The following RARB variants were observed in gnomAD, a reference collection of about 807,000 sequenced individuals.
RARB encodes the protein retinoic acid receptor beta.
In RARB, 17 loss-of-function variants were observed where a neutral mutation model predicts 51.9. The ratio of observed to expected loss-of-function variants is 0.33; its 90% CI spans 0.22 to 0.49. RARB has a LOEUF of 0.49. Among genes scored for constraint, RARB ranks in the 20% least tolerant of loss-of-function variants. The pLI is 0.99. For missense variants in RARB, 369 were observed against 550.8 expected (o/e 0.67, Z 3.30); for synonymous variants, 215 against 195.4 (o/e 1.10, Z -0.84).
intron 5 of RARB, among the ~76,000 whole-genome samples, chr3:25,325,844 AATAAAG>A (rs149252411): frequency 0.016 from 2,505 of 152,096 alleles, 65 homozygotes; most frequent in African/African-American, 0.053. Context: ...AGCTTTTGGA[AATAAAG>A]ATAAAATTAC....
intron 2 of RARB, among the ~76,000 whole-genome samples, chr3:24,874,770 T>C (rs989193627): frequency 2.0e-5 from 3 of 152,014 alleles, no homozygotes; most frequent in Non-Finnish European, 2.9e-5. Context: ...TTTATGTTGA[T>C]GGCAGTTACC....
intron 5 of RARB, among the ~76,000 whole-genome samples, chr3:25,419,979 G>A (rs1707813139): frequency 6.6e-6 from 1 of 152,102 alleles, no homozygotes; most frequent in African/African-American, 2.4e-5. Context: ...AGCTTTCGAA[G>A]CTCTTGGTTG....
intron 5 of RARB, among the ~76,000 whole-genome samples, chr3:25,326,240 A>G (rs1054431076): frequency 6.6e-6 from 1 of 152,224 alleles, no homozygotes; most frequent in Non-Finnish European, 1.5e-5. Context: ...TGGACCTGCT[A>G]AAGTCAAAAG....
chr3:24,989,216 T>C (rs1384419979), intron 2 of RARB, among the ~76,000 whole-genome samples: 1 of 152,244 alleles, frequency 6.6e-6, no homozygotes, highest in Non-Finnish European at 1.5e-5. Flanking sequence ...TCAAAATGTT[T>C]AGCAATCTAT....
At chr3:25,300,729 C>G (rs1200396508) in intron 5 of RARB, among the ~76,000 whole-genome samples, 2 of 152,162 alleles carry the variant, frequency 1.3e-5, no homozygotes, top group South Asian at 2.1e-4. Context: ...GTGGCTCACA[C>G]CTGTAATCTC....
chr3:25,048,300 A>G (rs1021559163), intron 2 of RARB, among the ~76,000 whole-genome samples: 2 of 152,198 alleles, frequency 1.3e-5, no homozygotes, highest in African/African-American at 4.8e-5. Context: ...TAAGTTACCA[A>G]TCTGGATTTC....
chr3:25,464,375 G>A (rs1301135625), intron 2 of RARB, among the ~76,000 whole-genome samples: 2 of 152,036 alleles, frequency 1.3e-5, no homozygotes, highest in Non-Finnish European at 2.9e-5. Flanking sequence ...AACCCATACC[G>A]GCACAAACAA....
intron 3 of RARB, among the ~76,000 whole-genome samples, chr3:25,533,590 A>G (rs983291335): frequency 2.0e-5 from 3 of 152,232 alleles, no homozygotes; most frequent in African/African-American, 7.2e-5. Context: ...GCCAGCCAGT[A>G]GAGTAAGTAC....
intron 4 of RARB, among the ~76,000 whole-genome samples, chr3:25,163,539 T>TATATATATATATA (rs1700510431): frequency 8.3e-6 from 1 of 120,570 alleles, no homozygotes; most frequent in Non-Finnish European, 1.8e-5. Context: ...ATATATATAT[T>TATATATATATATA]TGTTTATTTG....
At chr3:24,950,728 GGTGAT>G in intron 2 of RARB, among the ~76,000 whole-genome samples, 1 of 127,460 alleles carries the variant, frequency 7.8e-6, no homozygotes, top group Admixed American at 7.4e-5. Context: ...AAAAAAAAAA[GGTGAT>G]TTGGCAAGAG....
intron 3 of RARB, among the ~76,000 whole-genome samples, chr3:25,520,676 G>A (rs1265166704): frequency 2.0e-5 from 3 of 152,262 alleles, no homozygotes; most frequent in Admixed American, 6.5e-5. Flanking sequence ...TGACACTAGC[G>A]TTGGAACAGG....
intron 4 of RARB, among the ~76,000 whole-genome samples, chr3:25,150,239 G>A (rs559671449): frequency 6.6e-6 from 1 of 151,920 alleles, no homozygotes; most frequent in Non-Finnish European, 1.5e-5. Context: ...AACCTGATAC[G>A]CATAGCATGA....
chr3:25,570,558 T>C (rs962134828), intron 4 of RARB, among the ~76,000 whole-genome samples: 1 of 152,058 alleles, frequency 6.6e-6, no homozygotes, highest in South Asian at 2.1e-4. Flanking sequence ...TTCACTGAGA[T>C]TGGAAATAAA....
At chr3:25,044,907 C>T (rs1698183132) in intron 2 of RARB, among the ~76,000 whole-genome samples, 2 of 152,144 alleles carry the variant, frequency 1.3e-5, no homozygotes, top group South Asian at 4.1e-4. Flanking sequence ...CCATTGTTCT[C>T]AGTGAATGCC....
intron 2 of RARB, among the ~76,000 whole-genome samples, chr3:24,952,373 A>T (rs1002192537): frequency 1.3e-5 from 2 of 152,182 alleles, no homozygotes; most frequent in Non-Finnish European, 2.9e-5. Context: ...AATGAAATAC[A>T]CATTATCTGA....
At chr3:24,859,025 A>G (rs1384630060) in intron 2 of RARB, among the ~76,000 whole-genome samples, 3 of 139,600 alleles carry the variant, frequency 2.1e-5, no homozygotes, top group Non-Finnish European at 4.6e-5. Context: ...TGACAGAGCA[A>G]GACTCTGTCT....
intron 5 of RARB, among the ~76,000 whole-genome samples, chr3:25,299,279 C>G (rs906735835): frequency 6.6e-6 from 1 of 152,108 alleles, no homozygotes; most frequent in African/African-American, 2.4e-5. Context: ...TCACTGCAGC[C>G]TCGACATTTT....
chr3:25,241,326 AATTAT>A (rs1458569583), intron 5 of RARB, among the ~76,000 whole-genome samples: 2 of 152,082 alleles, frequency 1.3e-5, no homozygotes, highest in East Asian at 3.9e-4. Flanking sequence ...TCTTTTTTTA[AATTAT>A]ACTTTAAGTT....
intron 3 of RARB, among the ~76,000 whole-genome samples, chr3:25,551,709 C>T (rs1220705544): frequency 2.6e-5 from 4 of 152,104 alleles, no homozygotes; most frequent in Non-Finnish European, 4.4e-5. Flanking sequence ...GCATGGATCT[C>T]ATTACACATA....
Sources: gnomAD v4.1 joint callset for allele counts (sites outside exome capture counted in the v4.1 genomes callset) on GRCh38, gnomAD v4.1.1 for gene constraint, MANE v1.5 for transcripts, NCBI Gene and HGNC (gene_info 2026-07-23, HGNC 2026-07-21) for gene names.